The following BACE2 variants were observed in gnomAD, a reference collection of about 807,000 sequenced individuals.
The protein encoded by BACE2 is beta-secretase 2.
Under a neutral mutation model 46.2 loss-of-function variants are expected in BACE2, and 17 were observed. That is an observed-to-expected ratio of 0.37 (90% confidence interval 0.25 to 0.55). The LOEUF (loss-of-function observed/expected upper bound fraction) is 0.55. BACE2 is among the 20% of genes least tolerant of loss of function. The probability of loss-of-function intolerance (pLI) is 0.82; values close to 1 mark genes in which losing one functional copy is unlikely to be tolerated. For synonymous variants in BACE2, 277 were observed against 295.9 expected, an observed-to-expected ratio of 0.94 and a Z score of 0.66; for missense variants, 595 against 698.1, an observed-to-expected ratio of 0.85 and a Z score of 1.66.
At chr21:41,236,968 G>A (rs1156678727) in intron 2 of BACE2, among the ~76,000 whole-genome samples, 1 of 152,192 alleles carries the variant, frequency 6.6e-6, no homozygotes, top group Non-Finnish European at 1.5e-5. Flanking sequence ...CACATGACAT[G>A]GAAAACACTG....
chr21:41,199,865 A>G (rs535112363), intron 1 of BACE2, among the ~76,000 whole-genome samples: 1 of 152,102 alleles, frequency 6.6e-6, no homozygotes, highest in South Asian at 2.1e-4. Flanking sequence ...TAGCCCTTCC[A>G]TCATAACCTC....
At chr21:41,249,523 C>T (rs954567858) in intron 6 of BACE2, among the ~76,000 whole-genome samples, 2 of 152,172 alleles carry the variant, frequency 1.3e-5, no homozygotes, top group Non-Finnish European at 2.9e-5. Context: ...CCCCTCGTTC[C>T]CTCCCCACCT....
At chr21:41,227,631 A>G (rs1430520246) in intron 2 of BACE2, among the ~76,000 whole-genome samples, 2 of 152,206 alleles carry the variant, frequency 1.3e-5, no homozygotes, top group Non-Finnish European at 2.9e-5. Context: ...TGTGGTGGCC[A>G]GTGCTCTATG....
At chr21:41,205,254 A>G (rs767911290) in intron 1 of BACE2, among the ~76,000 whole-genome samples, 1 of 152,230 alleles carries the variant, frequency 6.6e-6, no homozygotes, top group Non-Finnish European at 1.5e-5. Context: ...TACAATTGTC[A>G]TTGTTGCTAA....
intron 1 of BACE2, among the ~76,000 whole-genome samples, chr21:41,221,056 A>G (rs375546164): frequency 6.6e-6 from 1 of 151,750 alleles, no homozygotes; most frequent in East Asian, 1.9e-4. Context: ...AAAAAAAAAA[A>G]AAAAAACAGT....
intron 1 of BACE2, chr21:41,175,366 A>T (rs3804026): frequency 0.049 from 7,526 of 152,346 alleles, 199 homozygotes; most frequent in South Asian, 0.078. Flanking sequence ...CAGCTCCATC[A>T]TTCCAGGGTA....
At chr21:41,206,218 T>C (rs1986117298) in intron 1 of BACE2, among the ~76,000 whole-genome samples, 1 of 152,186 alleles carries the variant, frequency 6.6e-6, no homozygotes, top group Non-Finnish European at 1.5e-5. Context: ...AGGGCCACCT[T>C]CTGGGCTGCA....
chr21:41,171,593 C>T (rs1984611520), intron 1 of BACE2, among the ~76,000 whole-genome samples: 1 of 152,192 alleles, frequency 6.6e-6, no homozygotes, highest in Non-Finnish European at 1.5e-5. Flanking sequence ...GTTCTTTCAA[C>T]CAGCACCTGC....
rs79412227 is a variant in BACE2 at position 41,267,408 on chromosome 21, T to A, written c.1304-7963T>A. On this transcript the variant is annotated intron_variant, in intron 8 of 8. Coordinates refer to ENST00000330333, the MANE Select transcript of BACE2 (RefSeq NM_012105.5). ...ATAATAGAGTGTTAAAATTGACAAC[T>A]CTCTGTTATTTTAGTGTATCCAAAG... 6.9e-3 allele frequency among the ~76,000 whole-genome samples: 1,053 copies of A among 152,304 alleles called. 5 individuals are homozygous for A. Among genetic ancestry groups the A allele is most frequent in the Non-Finnish European group, 0.012 (847 of 68,006 alleles).
chr21:41,239,965 A>G (rs562983674), intron 3 of BACE2, among the ~76,000 whole-genome samples: 7 of 152,390 alleles, frequency 4.6e-5, no homozygotes, highest in Non-Finnish European at 8.8e-5. Context: ...AATAATATGT[A>G]AAGATTCTGT....
At chr21:41,248,287 C>T (rs1469861919) in intron 6 of BACE2, among the ~76,000 whole-genome samples, 1 of 152,242 alleles carries the variant, frequency 6.6e-6, no homozygotes, top group South Asian at 2.1e-4. Flanking sequence ...CCCAAGGACA[C>T]GTGGCTTCAC....
rs1987359808 is a variant in BACE2, at chr21:41,243,307, T to C, written c.748-69T>C. On this transcript the variant is annotated intron_variant, in intron 4 of 8. Transcript: ENST00000330333. ...GAAGTTTCTCTTTACAAGTGCATGC[T>C]TCTCTGTGTAACCTGTTGATATGTC... is the stretch of plus-strand genomic sequence containing the variant. 4 of 1,331,694 alleles carry C rather than the reference T, an allele frequency of 3.0e-6. No individual in the cohort carries two copies. The Admixed American group carries it at 1.0e-4, about 35-fold the overall frequency. 82.5% of individuals were successfully genotyped at this position (1,331,694 alleles called of 1,614,324 possible). A position where few individuals can be genotyped will look rare whatever the true frequency, so the allele number is the denominator to read the frequency against.
intron 1 of BACE2, among the ~76,000 whole-genome samples, chr21:41,191,211 A>C (rs951095239): frequency 6.6e-6 from 1 of 152,184 alleles, no homozygotes; most frequent in African/African-American, 2.4e-5. Flanking sequence ...AAGTATTGTC[A>C]CCTAGTTGGC....
At chr21:41,208,446 G>A (rs1005748019) in intron 1 of BACE2, among the ~76,000 whole-genome samples, 4 of 152,306 alleles carry the variant, frequency 2.6e-5, no homozygotes, top group Non-Finnish European at 4.4e-5. Context: ...CGCCCAAGCC[G>A]GGCTGGGAAG....
intron 5 of BACE2, 78 bp from the exon 6 acceptor site, chr21:41,245,884 G>A: frequency 9.6e-7 from 1 of 1,038,930 alleles, no homozygotes. Context: ...CAGACAGATG[G>A]TGATGGCGGC....
chr21:41,209,704 T>G (rs1986239881), intron 1 of BACE2, among the ~76,000 whole-genome samples: 1 of 152,080 alleles, frequency 6.6e-6, no homozygotes, highest in Non-Finnish European at 1.5e-5. Flanking sequence ...CCTCAGATTC[T>G]GCAGCGAACA....
intron 2 of BACE2, among the ~76,000 whole-genome samples, chr21:41,227,895 A>C (rs560466281): frequency 1.4e-4 from 22 of 152,142 alleles, no homozygotes; most frequent in Non-Finnish European, 2.8e-4. Flanking sequence ...GATTCATCCA[A>C]GTCCTCAGTC....
chr21:41,250,295 C>T (rs73368307), intron 6 of BACE2, among the ~76,000 whole-genome samples: 3,298 of 152,220 alleles, frequency 0.022, 132 homozygotes, highest in African/African-American at 0.075. Flanking sequence ...CACCAGGAGG[C>T]AACTTGCTGG....
chr21:41,209,446 T>A (rs538148430), intron 1 of BACE2, among the ~76,000 whole-genome samples: 1 of 152,318 alleles, frequency 6.6e-6, no homozygotes, highest in African/African-American at 2.4e-5. Flanking sequence ...ACACTACCTC[T>A]GCGGGTTTCA....
Sources: allele counts gnomAD v4.1 joint callset (sites outside exome capture counted in the v4.1 genomes callset), GRCh38; gene constraint gnomAD v4.1.1; transcripts MANE v1.5; gene names NCBI Gene and HGNC (gene_info 2026-07-23, HGNC 2026-07-21).